Variants in CEP152 observed in about 807,000 individuals in gnomAD.
CEP152 encodes centrosomal protein 152, also known as centrosomal protein of 152 kDa.
In CEP152, 132 loss-of-function variants were observed where a neutral mutation model predicts 188.9. The observed-to-expected ratio is 0.70, with a 90% confidence interval of 0.61 to 0.81. The LOEUF is 0.81. CEP152 is among the 30% of genes least tolerant of loss of function. CEP152 has a pLI of 0.00. For missense variants in CEP152, 1,914 were observed against 1,969.8 expected, an observed-to-expected ratio of 0.97 and a Z score of 0.54; for synonymous variants, 649 against 666.6, an observed-to-expected ratio of 0.97 and a Z score of 0.41.
intron 13 of CEP152, 126 bp from the exon 14 acceptor site, chr15:48,769,207 TCC>T: frequency 1.4e-6 from 1 of 708,196 alleles, no homozygotes; most frequent in Non-Finnish European, 2.3e-6. Context: ...TTACTCATCT[TCC>T]CCCAATATAA....
At position 48,808,513 on chromosome 15, in the gene CEP152, C is replaced by T. The variant is rs17466132; in HGVS notation, c.-8+2448G>A. ...AAAGACAATCCAATATAAAATTGGG[C>T]GACTGACATGACAATTTATTTTAAA... On this transcript the variant is annotated intron_variant, in intron 1 of 26. Coordinates refer to ENST00000380950, the MANE Select transcript of CEP152 (RefSeq NM_001194998.2). Among the ~76,000 whole-genome samples, 1,077 of 151,864 alleles carry T rather than the reference C, an allele frequency of 7.1e-3. 12 individuals carry two copies. The highest frequency in any genetic ancestry group is 0.012 in the Non-Finnish European group (810 of 67,940).
chr15:48,775,373 T>C (rs1895824809), intron 12 of CEP152, among the ~76,000 whole-genome samples: 1 of 151,756 alleles, frequency 6.6e-6, no homozygotes, highest in African/African-American at 2.4e-5. Context: ...TACCAAAAAC[T>C]AAATATAAAG....
intron 9 of CEP152, among the ~76,000 whole-genome samples, chr15:48,786,953 C>T (rs978376806): frequency 2.0e-4 from 30 of 151,956 alleles, no homozygotes; most frequent in Non-Finnish European, 3.1e-4. Flanking sequence ...AATGGAGACC[C>T]CCAACCCAAT....
intron 17 of CEP152, among the ~76,000 whole-genome samples, chr15:48,765,358 A>T (rs964294565): frequency 6.6e-6 from 1 of 152,172 alleles, no homozygotes; most frequent in African/African-American, 2.4e-5. Flanking sequence ...TATAACAATT[A>T]AAATTTTTTT....
chr15:48,763,622 C>T (rs1009390857), intron 17 of CEP152, among the ~76,000 whole-genome samples: 7 of 151,648 alleles, frequency 4.6e-5, no homozygotes, highest in South Asian at 2.1e-4. Flanking sequence ...TGCAGTGAGC[C>T]GAGATCACAC....
chr15:48,754,956 A>G (rs1437396815), intron 20 of CEP152, among the ~76,000 whole-genome samples: 1 of 151,924 alleles, frequency 6.6e-6, no homozygotes, highest in Non-Finnish European at 1.5e-5. Flanking sequence ...CTTAATCACA[A>G]TATTTTGATG....
chr15:48,739,593 A>T (rs1321610067), intron 26 of CEP152, among the ~76,000 whole-genome samples: 2 of 152,164 alleles, frequency 1.3e-5, no homozygotes, highest in Non-Finnish European at 2.9e-5. Context: ...TGTTATAGCA[A>T]TTTCAAGATC....
intron 8 of CEP152, among the ~76,000 whole-genome samples, chr15:48,790,274 T>C (rs974046298): frequency 6.6e-6 from 1 of 152,216 alleles, no homozygotes; most frequent in Admixed American, 6.5e-5. Context: ...AAGCTCTTAC[T>C]ACTTTCTAGT....
downstream of CEP152, among the ~76,000 whole-genome samples, chr15:48,736,904 G>A (rs1237590017): frequency 6.6e-6 from 1 of 152,198 alleles, no homozygotes; most frequent in Non-Finnish European, 1.5e-5. Context: ...TCCATAGGGA[G>A]CATAAACTTG....
chr15:48,785,138 G>A (rs1424165276), intron 9 of CEP152, among the ~76,000 whole-genome samples: 1 of 152,130 alleles, frequency 6.6e-6, no homozygotes, highest in Non-Finnish European at 1.5e-5. Flanking sequence ...TGCCTGATCT[G>A]TAGTATAACC....
In CEP152 at chr15:48,798,020, T is replaced by A. The variant is rs1457740304; in HGVS notation, c.119A>T (p.Asp40Val). The A allele has an allele frequency of 1.9e-6, 3 of 1,613,868 alleles. No homozygotes were observed. In the Admixed American group the frequency reaches 5.0e-5, roughly 27 times the overall value. The stretch of plus-strand genomic sequence containing the variant: ...AGAGGAGAGGTCGTCATCCAGCATG[T>A]CATGGGGAAGGTCTGTGAGTAACTG... Reference protein sequence around the residue: ...LQQLLTDLPHDMLDDDLSSPE... With the variant: ...LQQLLTDLPHVMLDDDLSSPE... Residue 40 changes from aspartate (D) to valine (V), a missense_variant, in exon 3 of 27, where the codon GAC becomes GTC. Transcript: ENST00000380950.
intron 17 of CEP152, among the ~76,000 whole-genome samples, chr15:48,766,040 A>G (rs1325621932): frequency 1.3e-5 from 2 of 152,140 alleles, no homozygotes; most frequent in African/African-American, 4.8e-5. Context: ...CCTCAATTTC[A>G]AGGTAATATA....
rs745473367 is a variant in CEP152 at position 48,798,043 on chromosome 15, C to G, written c.96G>C (p.Gln32His). The G allele has an allele frequency of 3.1e-5, 50 of 1,613,432 alleles. No homozygotes were observed. Among genetic ancestry groups the G allele is most frequent in the Non-Finnish European group, 4.2e-5 (49 of 1,179,608 alleles). The change falls in exon 3 of 27, where the codon CAG becomes CAC. Residue 32 changes from glutamine to histidine, a missense_variant. Gln to His is a conservative substitution (Grantham distance 24). Transcript: ENST00000380950. Reference protein sequence around the residue: ...EDYEREKELQQLLTDLPHDML... With the variant: ...EDYEREKELQHLLTDLPHDML... The stretch of plus-strand genomic sequence containing the variant: ...TGTCATGGGGAAGGTCTGTGAGTAA[C>G]TGCTGCAACTGAGTCAAAAGGTCTG...
chr15:48,791,165 C>T (rs923941919), intron 8 of CEP152, 72 bp downstream of exon 8: 8 of 1,345,054 alleles, frequency 5.9e-6, no homozygotes, highest in African/African-American at 4.4e-5. Context: ...AAATTTAGTC[C>T]TACCCTACAA....
intron 13 of CEP152, among the ~76,000 whole-genome samples, chr15:48,770,015 T>A (rs1432219128): frequency 2.0e-5 from 3 of 152,264 alleles, no homozygotes; most frequent in Non-Finnish European, 2.9e-5. Flanking sequence ...ACCTCTTATA[T>A]ACCTTCATTG....
rs117784847 is a variant in CEP152 at position 48,784,882 on chromosome 15, T to C, written c.1174-762A>G. ...CTCAAGTTTCTTCCAAAAGAAAATA[T>C]GTTTGGGTGTAATAAACCACGGGAG... is the stretch of plus-strand genomic sequence containing the variant. On this transcript the variant is annotated intron_variant, in intron 9 of 26. Transcript: ENST00000380950. Among the ~76,000 whole-genome samples, 125 of 152,266 alleles carry C rather than the reference T, an allele frequency of 8.2e-4. 1 individual carries two copies. In the East Asian group the frequency reaches 0.02, roughly 24 times the overall value.
chr15:48,760,798 G>A (rs940142736), intron 18 of CEP152, among the ~76,000 whole-genome samples: 2 of 152,108 alleles, frequency 1.3e-5, no homozygotes, highest in Non-Finnish European at 2.9e-5. Context: ...GATTAATTAT[G>A]AGGGTCATCT....
At chr15:48,809,950 A>G (rs1406573818) in intron 1 of CEP152, among the ~76,000 whole-genome samples, 1 of 152,172 alleles carries the variant, frequency 6.6e-6, no homozygotes, top group East Asian at 1.9e-4. Context: ...ATGCCCTCCC[A>G]AGCCTGTTCC....
chr15:48,745,393 G>C (rs1392181104), intron 22 of CEP152, among the ~76,000 whole-genome samples: 1 of 152,062 alleles, frequency 6.6e-6, no homozygotes, highest in African/African-American at 2.4e-5. Flanking sequence ...CAAAAAGAAA[G>C]TTAACCTTAA....
Sources: allele counts gnomAD v4.1 joint callset (sites outside exome capture counted in the v4.1 genomes callset), GRCh38; gene constraint gnomAD v4.1.1; transcripts MANE v1.5; gene names NCBI Gene and HGNC (gene_info 2026-07-23, HGNC 2026-07-21).